The following PDK4 variants were observed in gnomAD, a reference collection of about 807,000 sequenced individuals.
The protein encoded by PDK4 is pyruvate dehydrogenase kinase, isozyme 4.
Under a neutral mutation model 51.7 loss-of-function variants are expected in PDK4, and 43 were observed. The ratio of observed to expected loss-of-function variants is 0.83; its 90% CI spans 0.65 to 1.07. The LOEUF (loss-of-function observed/expected upper bound fraction) is 1.07, where lower values mean the gene tolerates loss of function less well. Ranked by LOEUF, PDK4 falls within the 50% of genes least tolerant of loss-of-function variation. PDK4 has a pLI of 0.00. For missense variants in PDK4, 498 were observed against 503.5 expected, an observed-to-expected ratio of 0.99 and a Z score of 0.10; for synonymous variants, 170 against 176.6, an observed-to-expected ratio of 0.96 and a Z score of 0.30.
At chr7:95,586,194 G>GTTTTTTTTT (rs11377701) in intron 10 of PDK4, among the ~76,000 whole-genome samples, 22 of 120,792 alleles carry the variant, frequency 1.8e-4, no homozygotes, top group African/African-American at 5.6e-4. Context: ...ATGCACCAAG[G>GTTTTTTTTT]TTTTTTTTTT....
In PDK4 at chr7:95,584,069, A is replaced by G. The variant is rs1791448325; in HGVS notation, c.*1572T>C. ...AAATGTCAAATTCAACATATAAACC[A>G]TACTGATTATTTTACAATGCAGAAA... On this transcript the variant is annotated 3_prime_UTR_variant, in exon 11 of 11. Transcript: ENST00000005178. 1.3e-5 allele frequency: 2 copies of G among 152,122 alleles called. No individual in the cohort carries two copies. The highest frequency in any genetic ancestry group is 6.5e-5 in the Admixed American group (1 of 15,276). The allele number at this position is 152,122 out of a possible 1,614,324, so 9.4% of individuals were successfully genotyped here.
rs1354201909 is a variant in PDK4, at chr7:95,592,883, G to A, written c.406C>T (p.Gln136Ter). The A allele has an allele frequency of 1.9e-6, 3 of 1,611,468 alleles. No homozygotes were observed. Among genetic ancestry groups the A allele is most frequent in the East Asian group, 2.2e-5 (1 of 44,832 alleles). Residue 136 changes from glutamine (Q) to a stop codon, truncating the protein, a stop_gained, in exon 4 of 11, where the codon CAA (glutamine) becomes TAA (stop). Transcript: ENST00000005178. LOFTEE classifies it high-confidence loss of function. Reference sequence around the variant, plus strand: ...GCATCTTTATACTCTATGATTCCTTGTGCCATTGTAGGGACTACATTATGG... The same window carrying A: ...GCATCTTTATACTCTATGATTCCTTATGCCATTGTAGGGACTACATTATGG... ...RHHNVVPTMA[Q>*]GIIEYKDACT...
chr7:95,596,453 C>T lies in PDK4; in HGVS notation c.-160G>A. The T allele has an allele frequency of 2.9e-6, 2 of 695,278 alleles. No individual in the cohort carries two copies. Among genetic ancestry groups the T allele is most frequent in the Non-Finnish European group, 4.3e-6 (2 of 461,640 alleles). 43.1% of individuals were successfully genotyped at this position (695,278 alleles called of 1,614,324 possible). ...CGGCCTGGGCTGGGGTTTGAGGGTG[C>T]CGCGGAGTGAAGAGTCTGGGCAGAG... On this transcript the variant is annotated 5_prime_UTR_variant, in exon 1 of 11. Coordinates refer to ENST00000005178, the MANE Select transcript of PDK4 (RefSeq NM_002612.4).
rs777078884 is a variant in PDK4 at position 95,595,017 on chromosome 7, A to G, written c.272+6T>C. On this transcript the variant is annotated splice_donor_region_variant and intron_variant, in intron 2 of 10. Transcript: ENST00000005178. Reference sequence around the variant, plus strand: ...ACTAGAGACTTCAATATGGTTCACCACTTACCAGCTTTTAACCAATTGCAC... The same window carrying G: ...ACTAGAGACTTCAATATGGTTCACCGCTTACCAGCTTTTAACCAATTGCAC... 113 of 1,604,336 alleles carry G rather than the reference A, an allele frequency of 7.0e-5. No homozygotes were observed. The Admixed American group carries it at 1.8e-3, about 26-fold the overall frequency.
In PDK4 at chr7:95,587,828, A is replaced by C. The variant is rs113175611; in HGVS notation, c.772-3T>G. 3,416 of 1,588,584 alleles carry C rather than the reference A, an allele frequency of 2.2e-3. 17 individuals are homozygous for C. Among genetic ancestry groups the C allele is most frequent in the Non-Finnish European group, 2.2e-3 (2,536 of 1,156,826 alleles). The stretch of plus-strand genomic sequence containing the variant: ...TCAACTGTTGCCCGCATTGCATTCT[A>C]AAACAAAGCAAACCATAAGGAATTC... On this transcript the variant is annotated splice_region_variant and splice_polypyrimidine_tract_variant and intron_variant, in intron 7 of 10. Transcript: ENST00000005178.
chr7:95,592,081 T>C lies in PDK4; in HGVS notation c.617-16A>G. On this transcript the variant is annotated splice_polypyrimidine_tract_variant and intron_variant, in intron 5 of 10. Coordinates refer to ENST00000005178, the MANE Select transcript of PDK4 (RefSeq NM_002612.4). ...TCAAAGGCATCTGGAATAGAAGTTGTTTTTTATAACAATGAAATGAGTTTA... is the reference window on the plus strand; with the variant it reads ...TCAAAGGCATCTGGAATAGAAGTTGCTTTTTATAACAATGAAATGAGTTTA... 1.3e-6 allele frequency: 2 copies of C among 1,499,512 alleles called. No homozygotes were observed. The highest frequency in any genetic ancestry group is 1.8e-6 in the Non-Finnish European group (2 of 1,098,840). The allele number at this position is 1,499,512 out of a possible 1,614,324, so 92.9% of individuals were successfully genotyped here.
intron 10 of PDK4, 89 bp from the exon 11 acceptor site, chr7:95,585,870 A>G: frequency 8.7e-7 from 1 of 1,144,528 alleles, no homozygotes; most frequent in Non-Finnish European, 1.3e-6. Flanking sequence ...ATACATTCAG[A>G]GGTAAGTATC....
intron 10 of PDK4, 192 bp downstream of exon 10, chr7:95,586,818 C>T (rs1791488337): frequency 4.3e-6 from 2 of 469,438 alleles, no homozygotes; most frequent in African/African-American, 1.9e-5. Context: ...GGTAGTATGG[C>T]CCAGCTTCCT....
In PDK4 at chr7:95,584,878, T is replaced by C. The variant is rs112728079; in HGVS notation, c.*763A>G. 109 of 152,756 alleles carry C rather than the reference T, an allele frequency of 7.1e-4. 2 individuals carry two copies. The highest frequency in any genetic ancestry group is 2.3e-3 in the African/African-American group (96 of 41,572). 9.5% of individuals were successfully genotyped at this position (152,756 alleles called of 1,614,324 possible). ...CCAATCCCCAACATCCCGAGTTCAG[T>C]GCACATCTAACAATTCACTCAAGAC... is the stretch of plus-strand genomic sequence containing the variant. On this transcript the variant is annotated 3_prime_UTR_variant, in exon 11 of 11. Coordinates refer to ENST00000005178, the MANE Select transcript of PDK4 (RefSeq NM_002612.4).
chr7:95,587,065 T>C lies in PDK4; in HGVS notation c.1040A>G (p.Asp347Gly). The C allele has an allele frequency of 1.2e-6, 2 of 1,612,580 alleles. No individual in the cohort carries two copies. Among genetic ancestry groups the C allele is most frequent in the South Asian group, 2.2e-5 (2 of 91,024 alleles). ...SRLYAKYFQGDLNLYSLSGYG... is the reference protein window; with the variant it reads ...SRLYAKYFQGGLNLYSLSGYG... ...TCCTGATAAAGAGTAGAGATTCAGA[T>C]CTCCTTGAAAGTACTTTGCATACAG... The change falls in exon 10 of 11, where the codon GAT becomes GGT. Residue 347 changes from aspartate (D) to glycine (G), a missense_variant. Physicochemically the swap from Asp to Gly is moderately conservative, Grantham distance 94. Coordinates refer to ENST00000005178, the MANE Select transcript of PDK4 (RefSeq NM_002612.4).
At position 95,592,635 on chromosome 7, in the gene PDK4, A is replaced by G. The variant is rs377438698; in HGVS notation, c.530-38T>C. On this transcript the variant is annotated intron_variant, in intron 4 of 10. Coordinates refer to ENST00000005178, the MANE Select transcript of PDK4 (RefSeq NM_002612.4). ...AAAAACAAAAAAAAATTGTTATAAA[A>G]TTCAGGATAATGATTAGTACTATCA... The G allele has an allele frequency of 1.2e-5, 17 of 1,473,856 alleles. No homozygotes were observed. The African/African-American group carries it at 2.4e-4, about 20-fold the overall frequency. The allele number at this position is 1,473,856 out of a possible 1,614,324, so 91.3% of individuals were successfully genotyped here.
Position 95,587,139 on chromosome 7 carries a change from GT to G in PDK4, c.982-17del. The G allele has an allele frequency of 7.0e-7, 1 of 1,435,336 alleles. No individual in the cohort carries two copies. The allele number at this position is 1,435,336 out of a possible 1,614,324, so 88.9% of individuals were successfully genotyped here. On this transcript the variant is annotated splice_polypyrimidine_tract_variant and intron_variant, in intron 9 of 10. Transcript: ENST00000005178. ...CAAAACCAGCCTAGAGAAGAGAGAC[GT>G]TATCAGGTAAAGAAGTGTATGTGAT...
At chr7:95,595,785 A>G (rs1791611344) in intron 1 of PDK4, among the ~76,000 whole-genome samples, 1 of 152,240 alleles carries the variant, frequency 6.6e-6, no homozygotes, top group Non-Finnish European at 1.5e-5. Context: ...ATTTGAGGCT[A>G]TTTAATACTA....
chr7:95,591,442 C>T (rs1035504476), intron 6 of PDK4, among the ~76,000 whole-genome samples: 1 of 152,180 alleles, frequency 6.6e-6, no homozygotes, highest in East Asian at 1.9e-4. Flanking sequence ...ACTGAAACTT[C>T]GTTATCTGTT....
intron 5 of PDK4, 52 bp downstream of exon 5, chr7:95,592,459 A>T: frequency 1.0e-6 from 1 of 979,524 alleles, no homozygotes; most frequent in Non-Finnish European, 1.7e-6. Flanking sequence ...TAGATATGTC[A>T]ATCATATATT....
rs1791445468 is a variant in PDK4 at position 95,583,853 on chromosome 7, A to G, written c.*1788T>C. Reference sequence around the variant, plus strand: ...TGTTTAGCTCAAATTTCAGTAAAAAACTGAAATGACAAATAACCTACTGCA... The same window carrying G: ...TGTTTAGCTCAAATTTCAGTAAAAAGCTGAAATGACAAATAACCTACTGCA... On this transcript the variant is annotated 3_prime_UTR_variant, in exon 11 of 11. Transcript: ENST00000005178. The G allele has an allele frequency of 6.6e-6, 1 of 152,576 alleles. No homozygotes were observed. Among genetic ancestry groups the G allele is most frequent in the African/African-American group, 2.4e-5 (1 of 41,444 alleles). 9.5% of individuals were successfully genotyped at this position (152,576 alleles called of 1,614,324 possible). A position where few individuals can be genotyped will look rare whatever the true frequency, so the allele number is the denominator to read the frequency against.
At chr7:95,588,498 C>G (rs898994169) in intron 7 of PDK4, among the ~76,000 whole-genome samples, 7 of 152,106 alleles carry the variant, frequency 4.6e-5, no homozygotes, top group African/African-American at 1.4e-4. Context: ...TTTTCTTAAC[C>G]CATTTTCCTT....
At chr7:95,587,882 G>GTT (rs59642242) in intron 7 of PDK4, 57 bp from the exon 8 acceptor site, 1,506 of 850,062 alleles carry the variant, frequency 1.8e-3, no homozygotes, top group South Asian at 6.7e-3. Flanking sequence ...GACAATAAAT[G>GTT]TTTTTTTTTT....
rs2116708609 is a variant in PDK4 at position 95,585,256 on chromosome 7, C to CAAT, written c.*382_*384dup. 1 of 158,640 alleles carries CAAT rather than the reference C, an allele frequency of 6.3e-6. No homozygotes were observed. The highest frequency in any genetic ancestry group is 2.1e-4 in the South Asian group (1 of 4,814). The allele number at this position is 158,640 out of a possible 1,614,324, so 9.8% of individuals were successfully genotyped here. On this transcript the variant is annotated 3_prime_UTR_variant, in exon 11 of 11. Transcript: ENST00000005178. ...CAGGAAAATGCTGGTATTCTGACAC[C>CAAT]AATATCTTTTGATGTGAACAAGAGG...
Sources: gnomAD v4.1 joint callset for allele counts (sites outside exome capture counted in the v4.1 genomes callset) on GRCh38, gnomAD v4.1.1 for gene constraint, MANE v1.5 for transcripts, NCBI Gene and HGNC (gene_info 2026-07-23, HGNC 2026-07-21) for gene names.